The following UNC5A variants were observed in gnomAD, a reference collection of about 807,000 sequenced individuals.
UNC5A encodes netrin receptor UNC5A.
UNC5A carries 20 observed loss-of-function variants against 87.4 expected under a neutral mutation model. That is an observed-to-expected ratio of 0.23 (90% CI 0.16 to 0.33). The LOEUF is 0.33. Among genes scored for constraint, UNC5A ranks in the 10% least tolerant of loss-of-function variants. The pLI, the probability that UNC5A is intolerant of heterozygous loss-of-function variation, is 1.00. For missense variants in UNC5A, 844 were observed against 1,133.4 expected, an observed-to-expected ratio of 0.74 and a Z score of 3.67; for synonymous variants, 438 against 482.3, an observed-to-expected ratio of 0.91 and a Z score of 1.20.
rs1246739584 is a variant in UNC5A, at chr5:176,869,078, C to T, written c.721+114C>T. 2.4e-5 allele frequency: 29 copies of T among 1,219,716 alleles called. No individual in the cohort carries two copies. Among genetic ancestry groups the T allele is most frequent in the Middle Eastern group, 2.8e-4 (1 of 3,618 alleles). 75.6% of individuals were successfully genotyped at this position (1,219,716 alleles called of 1,614,324 possible). Reference sequence around the variant, plus strand: ...GAGGCCAAAGCCAGGTGGACCAGATCGTGCCTGACTAGGCAGGATAAGCAA... The same window carrying T: ...GAGGCCAAAGCCAGGTGGACCAGATTGTGCCTGACTAGGCAGGATAAGCAA... On this transcript the variant is annotated intron_variant, in intron 5 of 14. Coordinates refer to ENST00000329542, the MANE Select transcript of UNC5A (RefSeq NM_133369.3). The surrounding 1 kb of genome is among the most constrained non-coding windows in gnomAD (Gnocchi z 9.1).
At chr5:176,814,259 C>T (rs73340026) in intron 1 of UNC5A, among the ~76,000 whole-genome samples, 4,943 of 152,298 alleles carry the variant, frequency 0.032, 203 homozygotes, top group African/African-American at 0.094. Flanking sequence ...TCAACCCAAA[C>T]CTTGAGCCCC....
In UNC5A at chr5:176,879,785, C is replaced by G. The variant is rs139125725; in HGVS notation, c.2428C>G (p.Arg810Gly). 2 of 1,613,470 alleles carry G rather than the reference C, an allele frequency of 1.2e-6. No individual in the cohort carries two copies. Among genetic ancestry groups the G allele is most frequent in the Admixed American group, 1.7e-5 (1 of 60,024 alleles). ...CATGATCCTCAACCTGTGGGAGGCG[C>G]GGCACTTCCCCAACGGCAACCTCAG... ...TAMILNLWEA[R>G]HFPNGNLSQL... Residue 810 changes from arginine to glycine, a missense_variant, in exon 15 of 15, where the codon CGG (arginine) becomes GGG (glycine). Coordinates refer to ENST00000329542, the MANE Select transcript of UNC5A (RefSeq NM_133369.3).
Position 176,865,154 on chromosome 5 carries a change from C to T in UNC5A, c.292+2309C>T, listed in dbSNP as rs1369980265. On this transcript the variant is annotated intron_variant, in intron 2 of 14. Coordinates refer to ENST00000329542, the MANE Select transcript of UNC5A (RefSeq NM_133369.3). This position sits in a 1 kb window ranked among gnomAD's most constrained non-coding sequence, Gnocchi z 5.3. ...TTCTCCCCACCCCACACCCGGGGCC[C>T]AGCGTCCCTTCAGCATAAGTTCTCC... Among the ~76,000 whole-genome samples the T allele has an allele frequency of 6.6e-6, 1 of 152,252 alleles. No individual in the cohort carries two copies. The highest frequency in any genetic ancestry group is 2.4e-5 in the African/African-American group (1 of 41,466).
In UNC5A at chr5:176,868,185, G is replaced by C. The variant is rs777914371; in HGVS notation, c.348G>C (p.Val116=). The C allele has an allele frequency of 1.9e-6, 3 of 1,613,638 alleles. No homozygotes were observed. The African/African-American group carries it at 4.0e-5, about 22-fold the overall frequency. The change falls in exon 3 of 15, where the codon GTG becomes GTC. Residue 116 remains valine, a synonymous_variant. Transcript: ENST00000329542. ...INVSRQQVEK[V]FGLEEYWCQC... ...TCTCAAGGCAGCAGGTCGAGAAGGT[G>C]TTCGGGCTGGAGGAATACTGGTGCC...
chr5:176,880,419 T>A lies in UNC5A; in HGVS notation c.*533T>A, dbSNP rs2149372004. ...GGCACACGACCACCACACGAGCACG[T>A]GCCACGCATGCCTCGTGTGCTCATC... is the stretch of plus-strand genomic sequence containing the variant. On this transcript the variant is annotated 3_prime_UTR_variant, in exon 15 of 15. Coordinates refer to ENST00000329542, the MANE Select transcript of UNC5A (RefSeq NM_133369.3). 1.3e-5 allele frequency: 2 copies of A among 154,372 alleles called. No homozygotes were observed. Among genetic ancestry groups the A allele is most frequent in the South Asian group, 4.1e-4 (2 of 4,938 alleles). The allele number at this position is 154,372 out of a possible 1,614,324, so 9.6% of individuals were successfully genotyped here. A position where few individuals can be genotyped will look rare whatever the true frequency, so the allele number is the denominator to read the frequency against.
chr5:176,879,573 C>G, intron 14 of UNC5A, 85 bp downstream of exon 14: 1 of 1,542,830 alleles, frequency 6.5e-7, no homozygotes, highest in Non-Finnish European at 8.7e-7. Context: ...GACAGGAGGC[C>G]CTGTGGGGCC....
Position 176,879,419 on chromosome 5 carries a change from CCAGCCTGGACCCACCCT to C in UNC5A, c.2295_2311del (p.Ser766Ter). ...TTCCTCATTCGGCAGAAGATAATTT[CCAGCCTGGACCCACCCT>C]GTAGGCGGGGTGCCGACTGGCGGAC... On this transcript the variant is annotated frameshift_variant, in exon 14 of 15. Coordinates refer to ENST00000329542, the MANE Select transcript of UNC5A (RefSeq NM_133369.3). LOFTEE classifies it high-confidence loss of function. 1 of 1,612,736 alleles carries C rather than the reference CCAGCCTGGACCCACCCT, an allele frequency of 6.2e-7. No individual in the cohort carries two copies. Among genetic ancestry groups the C allele is most frequent in the East Asian group, 2.2e-5 (1 of 44,878 alleles).
Position 176,844,789 on chromosome 5 carries a change from C to T in UNC5A, c.71-17835C>T, listed in dbSNP as rs754248166. On this transcript the variant is annotated intron_variant, in intron 1 of 14. Coordinates refer to ENST00000329542, the MANE Select transcript of UNC5A (RefSeq NM_133369.3). The surrounding 1 kb of genome is among the most constrained non-coding windows in gnomAD (Gnocchi z 4.2). ...AGGGCTATGGCCCAATCACTCACCC[C>T]GAGACCCCTCTCCACCCTCCAGCAC... Among the ~76,000 whole-genome samples, 21 of 152,332 alleles carry T rather than the reference C, an allele frequency of 1.4e-4. No individual in the cohort carries two copies. Among genetic ancestry groups the T allele is most frequent in the African/African-American group, 4.3e-4 (18 of 41,574 alleles).
At position 176,838,737 on chromosome 5, in the gene UNC5A, C is replaced by T. The variant is rs1757201462; in HGVS notation, c.71-23887C>T. ...GACTGCAGCAGCACAGCCCTCACAT[C>T]CTCACCCCACACCTTCCAGGGGAAA... On this transcript the variant is annotated intron_variant, in intron 1 of 14. Coordinates refer to ENST00000329542, the MANE Select transcript of UNC5A (RefSeq NM_133369.3). The surrounding 1 kb of genome is among the most constrained non-coding windows in gnomAD (Gnocchi z 4.2). 2.6e-5 allele frequency among the ~76,000 whole-genome samples: 4 copies of T among 152,344 alleles called. No individual in the cohort carries two copies. In the South Asian group the frequency reaches 8.3e-4, roughly 32 times the overall value.
intron 1 of UNC5A, among the ~76,000 whole-genome samples, chr5:176,845,072 A>G (rs1429288689): frequency 6.6e-6 from 1 of 152,206 alleles, no homozygotes; most frequent in African/African-American, 2.4e-5. Context: ...GCAGGAAATG[A>G]CAGAGGCATC....
intron 2 of UNC5A, 26 bp downstream of exon 2, chr5:176,862,871 G>A: frequency 6.2e-7 from 1 of 1,610,444 alleles, no homozygotes; most frequent in Non-Finnish European, 8.5e-7. Context: ...CGCCAGGCAG[G>A]GCCAATCCGG....
chr5:176,870,363 C>T lies in UNC5A; in HGVS notation c.722-7C>T, dbSNP rs1404090876. The T allele has an allele frequency of 3.7e-6, 6 of 1,610,792 alleles. No homozygotes were observed. Among genetic ancestry groups the T allele is most frequent in the South Asian group, 3.3e-5 (3 of 90,990 alleles). On this transcript the variant is annotated splice_region_variant and splice_polypyrimidine_tract_variant and intron_variant, in intron 5 of 14. Transcript: ENST00000329542. ...CACCGTCTCCTCTCTGCTTGTCTCTCATCTAGTGGACGGCAGCTGGAGCCC... is the reference window on the plus strand; with the variant it reads ...CACCGTCTCCTCTCTGCTTGTCTCTTATCTAGTGGACGGCAGCTGGAGCCC...
chr5:176,878,207 G>C, intron 11 of UNC5A, 37 bp from the exon 12 acceptor site: 1 of 1,604,700 alleles, frequency 6.2e-7, no homozygotes. Context: ...TGGGCGCAGT[G>C]GGGAGGGGCC....
intron 1 of UNC5A, among the ~76,000 whole-genome samples, chr5:176,831,885 C>CTTTT (rs10580672): frequency 7.2e-5 from 2 of 27,658 alleles, no homozygotes; most frequent in African/African-American, 1.2e-4. Context: ...TTCTCTCTCT[C>CTTTT]TTTTTTTTTT....
chr5:176,876,628 G>A (rs1426028938), intron 8 of UNC5A, among the ~76,000 whole-genome samples: 1 of 152,260 alleles, frequency 6.6e-6, no homozygotes, highest in Non-Finnish European at 1.5e-5. Context: ...CAGCCCAGGA[G>A]ATAGGTTATT....
At chr5:176,860,153 G>T (rs564333938) in intron 1 of UNC5A, among the ~76,000 whole-genome samples, 2 of 152,334 alleles carry the variant, frequency 1.3e-5, no homozygotes, top group East Asian at 3.9e-4. Context: ...GCACAGGCCA[G>T]CGCATTGTCT....
At chr5:176,842,719 G>A (rs1473162218) in intron 1 of UNC5A, among the ~76,000 whole-genome samples, 4 of 152,120 alleles carry the variant, frequency 2.6e-5, no homozygotes, top group African/African-American at 9.7e-5. Flanking sequence ...AGTGGGAAGG[G>A]GTGAGGGATA....
Position 176,880,080 on chromosome 5 carries a change from G to C in UNC5A, c.*194G>C, listed in dbSNP as rs560066314. On this transcript the variant is annotated 3_prime_UTR_variant, in exon 15 of 15. Coordinates refer to ENST00000329542, the MANE Select transcript of UNC5A (RefSeq NM_133369.3). ...ACCTCTCCATGGCCTGCCTAGCCAGGCTGGCACTGCCACTCACACTCGGCC... is the reference window on the plus strand; with the variant it reads ...ACCTCTCCATGGCCTGCCTAGCCAGCCTGGCACTGCCACTCACACTCGGCC... 3 of 713,226 alleles carry C rather than the reference G, an allele frequency of 4.2e-6. No individual in the cohort carries two copies. The highest frequency in any genetic ancestry group is 3.6e-5 in the African/African-American group (2 of 55,650). The allele number at this position is 713,226 out of a possible 1,614,324, so 44.2% of individuals were successfully genotyped here. A position where few individuals can be genotyped will look rare whatever the true frequency, so the allele number is the denominator to read the frequency against.
chr5:176,818,487 A>G (rs1356016284), intron 1 of UNC5A, among the ~76,000 whole-genome samples: 8 of 152,220 alleles, frequency 5.3e-5, no homozygotes, highest in Non-Finnish European at 2.9e-5. Flanking sequence ...TGGTGATGGT[A>G]GTAATCTGGG....
Sources: allele counts gnomAD v4.1 joint callset (sites outside exome capture counted in the v4.1 genomes callset), GRCh38; gene constraint gnomAD v4.1.1; non-coding constraint Gnocchi (gnomAD v3.1); transcripts MANE v1.5; gene names NCBI Gene and HGNC (gene_info 2026-07-23, HGNC 2026-07-21).